SOS2: variants seen among roughly 807,000 people sequenced by gnomAD.
SOS2 encodes son of sevenless homolog 2.
SOS2 carries 65 observed loss-of-function variants against 148.2 expected under a neutral mutation model. The observed-to-expected ratio is 0.44, with a 90% confidence interval of 0.36 to 0.54. The LOEUF is 0.54. Ranked by LOEUF, SOS2 falls within the 20% of genes least tolerant of loss-of-function variation. The probability of loss-of-function intolerance (pLI) is 0.00; values close to 1 mark genes in which losing one functional copy is unlikely to be tolerated. For synonymous variants in SOS2, 539 were observed against 537.1 expected, an observed-to-expected ratio of 1.00 and a Z score of -0.05; for missense variants, 1,341 against 1,590.2, an observed-to-expected ratio of 0.84 and a Z score of 2.67.
chr14:50,154,367 T>C (rs1175468763), intron 12 of SOS2, among the ~76,000 whole-genome samples: 1 of 152,150 alleles, frequency 6.6e-6, no homozygotes, highest in African/African-American at 2.4e-5. Context: ...TAAACACTGG[T>C]GAGAATATGA....
rs1884441215 is a variant in SOS2 at position 50,145,595 on chromosome 14, T to C, written c.2386A>G (p.Lys796Glu). The C allele has an allele frequency of 6.3e-7, 1 of 1,578,444 alleles. No homozygotes were observed. The highest frequency in any genetic ancestry group is 8.6e-7 in the Non-Finnish European group (1 of 1,164,552). ...CCTACAAGTTCAGACGGTTGAACTTTCCTATGGAATTGAAAATCAGTGCAA... is the reference window on the plus strand; with the variant it reads ...CCTACAAGTTCAGACGGTTGAACTTCCCTATGGAATTGAAAATCAGTGCAA... The part of the protein sequence containing the change: ...LTLLESDLYR[K>E]VQPSELVGSV... The change falls in exon 15 of 23, where the codon AAA becomes GAA. Residue 796 changes from lysine (K) to glutamate (E), a missense_variant and splice_region_variant. Transcript: ENST00000216373.
intron 19 of SOS2, among the ~76,000 whole-genome samples, chr14:50,132,504 T>C (rs1883911965): frequency 6.7e-6 from 1 of 150,226 alleles, no homozygotes; most frequent in South Asian, 2.1e-4. Context: ...CTATTAAAAA[T>C]ACAAAAATTA....
chr14:50,212,144 T>C (rs1886891896), intron 1 of SOS2, among the ~76,000 whole-genome samples: 1 of 152,070 alleles, frequency 6.6e-6, no homozygotes, highest in African/African-American at 2.4e-5. Context: ...TAAACAATGG[T>C]GTTAAGGGAT....
At chr14:50,193,200 T>C (rs1406217012) in intron 4 of SOS2, among the ~76,000 whole-genome samples, 2 of 151,882 alleles carry the variant, frequency 1.3e-5, no homozygotes, top group Non-Finnish European at 2.9e-5. Context: ...CTTTCTTTCT[T>C]TGTTTCTTTT....
At chr14:50,218,277 C>T (rs978619839) in intron 1 of SOS2, among the ~76,000 whole-genome samples, 3 of 137,758 alleles carry the variant, frequency 2.2e-5, no homozygotes, top group African/African-American at 8.1e-5. Flanking sequence ...AATCCCAGCA[C>T]TTTGGGAGGC....
chr14:50,139,420 T>C (rs906910292), intron 17 of SOS2, among the ~76,000 whole-genome samples: 5 of 152,176 alleles, frequency 3.3e-5, no homozygotes, highest in African/African-American at 1.2e-4. Flanking sequence ...TCCAGGGTGC[T>C]ATTGGAGTGT....
intron 16 of SOS2, among the ~76,000 whole-genome samples, chr14:50,143,532 G>C (rs967834389): frequency 6.6e-6 from 1 of 152,038 alleles, no homozygotes; most frequent in Admixed American, 6.6e-5. Context: ...CCACCAGGCA[G>C]GTTCAAGCGA....
At chr14:50,226,007 C>A (rs967171821) in intron 1 of SOS2, among the ~76,000 whole-genome samples, 6 of 98,270 alleles carry the variant, frequency 6.1e-5, no homozygotes, top group African/African-American at 2.0e-4. Flanking sequence ...TCAAATCCTT[C>A]CCCCCCGCCC....
At chr14:50,230,837 C>T in intron 1 of SOS2, 4 of 974,482 alleles carry the variant, frequency 4.1e-6, no homozygotes, top group Non-Finnish European at 4.9e-6. Flanking sequence ...AGTAATTACC[C>T]GGCCTGAAAA....
Position 50,160,003 on chromosome 14 carries a change from A to T in SOS2, c.1280T>A (p.Ile427Asn), listed in dbSNP as rs764636527. 6.2e-7 allele frequency: 1 copy of T among 1,613,914 alleles called. No individual in the cohort carries two copies. Among genetic ancestry groups the T allele is most frequent in the Non-Finnish European group, 8.5e-7 (1 of 1,179,924 alleles). ...AATATCTTTGCCTTCCCATCCATCG[A>T]TATTTTTCTGAATTTCATTCATTTT... Reference protein sequence around the residue: ...IKKMNEIQKNIDGWEGKDIGQ... With the variant: ...IKKMNEIQKNNDGWEGKDIGQ... Residue 427 changes from isoleucine (I) to asparagine (N), a missense_variant, in exon 10 of 23, where the codon ATC becomes AAC. Physicochemically the swap from Ile to Asn is moderately radical, Grantham distance 149. Transcript: ENST00000216373.
chr14:50,187,373 A>C (rs1222089591), intron 5 of SOS2, among the ~76,000 whole-genome samples: 14 of 133,946 alleles, frequency 1.0e-4, no homozygotes, highest in South Asian at 7.3e-4. Flanking sequence ...TTTGAGAAGA[A>C]GTCTCGCTCT....
intron 21 of SOS2, among the ~76,000 whole-genome samples, chr14:50,127,339 A>G (rs1161426547): frequency 6.6e-6 from 1 of 152,032 alleles, no homozygotes; most frequent in African/African-American, 2.4e-5. Flanking sequence ...ATGGGGTTTC[A>G]CCATGTTGGT....
intron 16 of SOS2, among the ~76,000 whole-genome samples, chr14:50,140,555 G>C (rs1341672049): frequency 2.0e-5 from 3 of 152,042 alleles, no homozygotes; most frequent in African/African-American, 7.2e-5. Context: ...TTTTACTTCA[G>C]AAAGAATATA....
At chr14:50,127,588 G>T (rs1456472931) in intron 21 of SOS2, among the ~76,000 whole-genome samples, 3 of 152,200 alleles carry the variant, frequency 2.0e-5, no homozygotes, top group Non-Finnish European at 4.4e-5. Flanking sequence ...AAACCCAGTG[G>T]AGCAGAGTTG....
At chr14:50,191,046 C>T (rs114211583) in intron 4 of SOS2, among the ~76,000 whole-genome samples, 2,042 of 152,202 alleles carry the variant, frequency 0.013, 38 homozygotes, top group African/African-American at 0.045. Context: ...CTTAGCAAGC[C>T]CATTACTATA....
At chr14:50,141,440 G>GAGGTAGGA (rs1884281069) in intron 16 of SOS2, among the ~76,000 whole-genome samples, 1 of 151,700 alleles carries the variant, frequency 6.6e-6, no homozygotes, top group Admixed American at 6.6e-5. Context: ...AAGACTGTTT[G>GAGGTAGGA]AGCCTGGGAA....
chr14:50,160,219 A>C (rs907644839), intron 9 of SOS2, 133 bp from the exon 10 acceptor site: 1 of 673,134 alleles, frequency 1.5e-6, no homozygotes, highest in African/African-American at 1.8e-5. Flanking sequence ...ATTTAGTTCT[A>C]ACTTTGCCAC....
At chr14:50,199,258 T>C (rs1294920337) in intron 4 of SOS2, among the ~76,000 whole-genome samples, 2 of 151,926 alleles carry the variant, frequency 1.3e-5, no homozygotes, top group East Asian at 1.9e-4. Flanking sequence ...AAGACAGATA[T>C]AAAAACAAAA....
At chr14:50,119,381 T>C (rs1378418865) in intron 22 of SOS2, among the ~76,000 whole-genome samples, 1 of 152,234 alleles carries the variant, frequency 6.6e-6, no homozygotes, top group African/African-American at 2.4e-5. Context: ...CACAGTCTGA[T>C]TTTACCAAGC....
Sources: allele counts gnomAD v4.1 joint callset (sites outside exome capture counted in the v4.1 genomes callset), GRCh38; gene constraint gnomAD v4.1.1; transcripts MANE v1.5; gene names NCBI Gene and HGNC (gene_info 2026-07-23, HGNC 2026-07-21).